Variants in SYCP1 observed in about 807,000 individuals in gnomAD.
SYCP1 encodes synaptonemal complex protein 1, also known as cancer/testis antigen 8.
Under a neutral mutation model 153.1 loss-of-function variants are expected in SYCP1, and 64 were observed. That is an observed-to-expected ratio of 0.42 (90% confidence interval 0.34 to 0.51). The LOEUF (loss-of-function observed/expected upper bound fraction) is 0.51. Among genes scored for constraint, SYCP1 ranks in the 20% least tolerant of loss-of-function variants. The pLI is 0.06. For missense variants in SYCP1, 997 were observed against 1,049.0 expected, an observed-to-expected ratio of 0.95 and a Z score of 0.68; for synonymous variants, 384 against 341.8, an observed-to-expected ratio of 1.12 and a Z score of -1.36.
chr1:114,975,931 A>G (rs896081582), intron 27 of SYCP1, among the ~76,000 whole-genome samples: 3 of 151,758 alleles, frequency 2.0e-5, no homozygotes, highest in Non-Finnish European at 4.4e-5. Context: ...TGTTCAAACT[A>G]TATTCTTAGA....
chr1:114,901,072 A>G (rs1216242240), intron 16 of SYCP1, among the ~76,000 whole-genome samples: 1 of 152,206 alleles, frequency 6.6e-6, no homozygotes, highest in Non-Finnish European at 1.5e-5. Context: ...CTCTTTTTAG[A>G]GACATCACAC....
At chr1:114,886,380 A>G in intron 14 of SYCP1, 71 bp downstream of exon 14, 1 of 1,329,864 alleles carries the variant, frequency 7.5e-7, no homozygotes, top group Admixed American at 2.9e-5. Flanking sequence ...ATTCAATGCC[A>G]TTTTCTTTGC....
At chr1:114,871,265 T>A (rs1665100320) in intron 8 of SYCP1, among the ~76,000 whole-genome samples, 1 of 151,900 alleles carries the variant, frequency 6.6e-6, no homozygotes. Flanking sequence ...CCTTCCGGGA[T>A]CAAGTGATTC....
At chr1:114,858,044 T>C (rs1373298929) in intron 5 of SYCP1, among the ~76,000 whole-genome samples, 1 of 151,970 alleles carries the variant, frequency 6.6e-6, no homozygotes, top group Non-Finnish European at 1.5e-5. Context: ...TGACTAAAAA[T>C]CTCTGATATT....
chr1:114,859,693 A>AT, intron 6 of SYCP1, 50 bp from the exon 7 acceptor site: 1 of 930,888 alleles, frequency 1.1e-6, no homozygotes, highest in Non-Finnish European at 1.4e-6. Context: ...ATTCGTGTTT[A>AT]TTTTTGCTAA....
At chr1:114,984,542 A>G (rs1673373054) in intron 29 of SYCP1, among the ~76,000 whole-genome samples, 183 bp from the exon 30 acceptor site, 1 of 152,068 alleles carries the variant, frequency 6.6e-6, no homozygotes, top group South Asian at 2.1e-4. Flanking sequence ...AAGACAACTT[A>G]TAGTATCAAA....
At chr1:114,984,941 T>C (rs1673401456) in intron 30 of SYCP1, 73 bp downstream of exon 30, 2 of 746,182 alleles carry the variant, frequency 2.7e-6, no homozygotes, top group Non-Finnish European at 3.7e-6. Flanking sequence ...TTGATATACA[T>C]GTATAATATA....
chr1:114,893,699 T>G (rs749023389), intron 15 of SYCP1, among the ~76,000 whole-genome samples: 4 of 152,180 alleles, frequency 2.6e-5, no homozygotes, highest in African/African-American at 9.7e-5. Flanking sequence ...GTATAAGTAT[T>G]CTTCTTTTCC....
intron 15 of SYCP1, among the ~76,000 whole-genome samples, chr1:114,893,279 A>G (rs1278763588): frequency 6.6e-6 from 1 of 151,626 alleles, no homozygotes; most frequent in Admixed American, 6.6e-5. Flanking sequence ...CTGTATCTCT[A>G]TCTTTATCTG....
intron 8 of SYCP1, among the ~76,000 whole-genome samples, chr1:114,867,613 G>A (rs893044867): frequency 5.3e-5 from 8 of 151,868 alleles, no homozygotes; most frequent in South Asian, 2.1e-4. Context: ...ATCTTGTATC[G>A]TGTAACCTTG....
At chr1:114,957,902 C>G (rs1361306033) in intron 27 of SYCP1, among the ~76,000 whole-genome samples, 1 of 151,898 alleles carries the variant, frequency 6.6e-6, no homozygotes, top group Non-Finnish European at 1.5e-5. Context: ...AAAAATAGAG[C>G]TACCTTATGA....
intron 20 of SYCP1, among the ~76,000 whole-genome samples, chr1:114,916,152 T>C (rs1437939588): frequency 6.6e-6 from 1 of 152,220 alleles, no homozygotes; most frequent in Admixed American, 6.5e-5. Flanking sequence ...GTTTTTCCAT[T>C]TAATATTATT....
At chr1:114,994,086 G>T (rs1465064791) in intron 30 of SYCP1, among the ~76,000 whole-genome samples, 3 of 150,622 alleles carry the variant, frequency 2.0e-5, no homozygotes, top group Admixed American at 6.6e-5. Context: ...ATATTCCATT[G>T]TATGTATACA....
chr1:114,958,547 T>A (rs1036759607), intron 27 of SYCP1, among the ~76,000 whole-genome samples: 2 of 152,148 alleles, frequency 1.3e-5, no homozygotes, highest in African/African-American at 4.8e-5. Flanking sequence ...ATATCACATG[T>A]ACTCCCAAAA....
At chr1:114,920,002 C>T (rs1668762317) in intron 20 of SYCP1, among the ~76,000 whole-genome samples, 1 of 151,656 alleles carries the variant, frequency 6.6e-6, no homozygotes, top group Non-Finnish European at 1.5e-5. Context: ...TTTATTTCTG[C>T]TCTGATCTTT....
intron 27 of SYCP1, among the ~76,000 whole-genome samples, chr1:114,950,434 CATT>C (rs1226031243): frequency 6.6e-6 from 1 of 152,116 alleles, no homozygotes; most frequent in South Asian, 2.1e-4. Context: ...AATAAAAACA[CATT>C]ATGTTTATAT....
chr1:114,890,352 A>C (rs1204374474), intron 15 of SYCP1, among the ~76,000 whole-genome samples: 1 of 151,338 alleles, frequency 6.6e-6, no homozygotes. Context: ...ACACTGTAAT[A>C]CATATTTATA....
intron 23 of SYCP1, among the ~76,000 whole-genome samples, chr1:114,926,971 A>G (rs1669296129): frequency 6.6e-6 from 1 of 152,158 alleles, no homozygotes; most frequent in Admixed American, 6.5e-5. Flanking sequence ...TGTATAAAAC[A>G]AATTAAAGCC....
chr1:114,857,018 G>A (rs1570638842), intron 3 of SYCP1, among the ~76,000 whole-genome samples: 1 of 149,576 alleles, frequency 6.7e-6, no homozygotes, highest in Admixed American at 6.7e-5. Context: ...CAGCTACTTG[G>A]GAGGCTAAGG....
Sources: gnomAD v4.1 joint callset for allele counts (sites outside exome capture counted in the v4.1 genomes callset) on GRCh38, gnomAD v4.1.1 for gene constraint, MANE v1.5 for transcripts, NCBI Gene and HGNC (gene_info 2026-07-23, HGNC 2026-07-21) for gene names.